Variants in CSMD1 observed in about 807,000 individuals in gnomAD.
CSMD1 encodes CUB and sushi domain-containing protein 1.
In CSMD1, 213 loss-of-function variants were observed where a neutral mutation model predicts 417.5. The ratio of observed to expected loss-of-function variants is 0.51; its 90% CI spans 0.46 to 0.57. The LOEUF (loss-of-function observed/expected upper bound fraction) is 0.57, where lower values mean the gene tolerates loss of function less well. Ranked by LOEUF, CSMD1 falls within the 20% of genes least tolerant of loss-of-function variation. The pLI is 0.00. For synonymous variants in CSMD1, 2,862 were observed against 1,736.8 expected, an observed-to-expected ratio of 1.65 and a Z score of -16.11; for missense variants, 6,923 against 4,529.7, an observed-to-expected ratio of 1.53 and a Z score of -15.17.
chr8:4,232,631 G>A (rs967022760), intron 3 of CSMD1, among the ~76,000 whole-genome samples: 8 of 152,090 alleles, frequency 5.3e-5, no homozygotes, highest in African/African-American at 1.7e-4. Flanking sequence ...ATTAGATGAA[G>A]GGTATTTCAT....
chr8:2,943,976 C>A (rs1362111230), intron 68 of CSMD1, among the ~76,000 whole-genome samples: 1 of 152,076 alleles, frequency 6.6e-6, no homozygotes, highest in Non-Finnish European at 1.5e-5. Flanking sequence ...GTATCAACAC[C>A]CTTTAATTTT....
At chr8:3,285,548 A>C (rs984557091) in intron 25 of CSMD1, among the ~76,000 whole-genome samples, 10 of 151,716 alleles carry the variant, frequency 6.6e-5, no homozygotes, top group African/African-American at 2.2e-4. Flanking sequence ...TGTCATGTTC[A>C]GTTATTATTA....
chr8:3,402,354 C>A (rs905257468), intron 15 of CSMD1, among the ~76,000 whole-genome samples: 4 of 151,942 alleles, frequency 2.6e-5, no homozygotes, highest in Admixed American at 2.6e-4. Context: ...AAAAAATCAC[C>A]CGTTTTCTAC....
At chr8:3,803,967 G>A (rs562023084) in intron 5 of CSMD1, among the ~76,000 whole-genome samples, 19 of 152,030 alleles carry the variant, frequency 1.2e-4, no homozygotes, top group Non-Finnish European at 1.6e-4. Flanking sequence ...TTGCTCTGTC[G>A]CCCAGGCTGG....
intron 5 of CSMD1, among the ~76,000 whole-genome samples, chr8:3,841,028 C>A (rs985338784): frequency 6.6e-6 from 1 of 152,008 alleles, no homozygotes; most frequent in Admixed American, 6.6e-5. Context: ...TTCTTTGGTA[C>A]ATGAGTCTTA....
intron 10 of CSMD1, among the ~76,000 whole-genome samples, chr8:3,557,519 A>T (rs1799209546): frequency 7.5e-6 from 1 of 132,538 alleles, no homozygotes; most frequent in Non-Finnish European, 1.8e-5. Context: ...ATTAAGAAAC[A>T]AACAAACACT....
chr8:4,051,916 C>CTTTT (rs1563058919), intron 3 of CSMD1, among the ~76,000 whole-genome samples: 1 of 146,630 alleles, frequency 6.8e-6, no homozygotes, highest in Non-Finnish European at 1.5e-5. Context: ...TCCTTCCTTT[C>CTTTT]TTTCTTTTTC....
At chr8:2,971,930 T>C (rs374089518) in intron 57 of CSMD1, among the ~76,000 whole-genome samples, 13 of 152,314 alleles carry the variant, frequency 8.5e-5, no homozygotes, top group East Asian at 7.7e-4. Context: ...TAAAAAATTA[T>C]CTTGGATTAT....
intron 3 of CSMD1, among the ~76,000 whole-genome samples, chr8:4,076,664 C>T (rs1799837067): frequency 6.6e-6 from 1 of 152,188 alleles, no homozygotes; most frequent in African/African-American, 2.4e-5. Context: ...AGGCCTTATG[C>T]ATCGTGCTCC....
At chr8:4,290,140 G>A (rs1002661645) in intron 3 of CSMD1, among the ~76,000 whole-genome samples, 5 of 152,160 alleles carry the variant, frequency 3.3e-5, no homozygotes, top group African/African-American at 1.2e-4. Flanking sequence ...GGCAGGGAGT[G>A]GTGAGGAAAT....
chr8:4,596,690 C>T (rs888785677), intron 2 of CSMD1, among the ~76,000 whole-genome samples: 1 of 152,200 alleles, frequency 6.6e-6, no homozygotes, highest in African/African-American at 2.4e-5. Context: ...GGTCTAACTT[C>T]AGTTCATTCA....
At chr8:4,260,043 A>C (rs1037017299) in intron 3 of CSMD1, among the ~76,000 whole-genome samples, 1 of 150,882 alleles carries the variant, frequency 6.6e-6, no homozygotes, top group Non-Finnish European at 1.5e-5. Flanking sequence ...TTTTTAACAC[A>C]TACTTGAAAG....
At chr8:3,578,422 A>C (rs1221943398) in intron 9 of CSMD1, among the ~76,000 whole-genome samples, 1 of 152,170 alleles carries the variant, frequency 6.6e-6, no homozygotes, top group Non-Finnish European at 1.5e-5. Flanking sequence ...AGGCAGGAAG[A>C]ATAATGGGTG....
intron 11 of CSMD1, among the ~76,000 whole-genome samples, chr8:3,474,429 G>A (rs1442382227): frequency 6.6e-6 from 1 of 152,016 alleles, no homozygotes; most frequent in Non-Finnish European, 1.5e-5. Context: ...TTTATCCCTT[G>A]ATGTAACCAA....
In CSMD1 at chr8:3,709,678, A is replaced by ATCTTTTTTTTTTTTTTTTTTTTTTTTT; in HGVS notation, c.932-1188_932-1187insAAAAAAAAAAAAAAAAAAAAAAAAAGA. Among the ~76,000 whole-genome samples the ATCTTTTTTTTTTTTTTTTTTTTTTTTT allele has an allele frequency of 1.2e-4, 3 of 24,320 alleles. No individual in the cohort carries two copies. In the South Asian group the frequency reaches 5.0e-3, roughly 40 times the overall value. 16.0% of individuals were successfully genotyped at this position (24,320 alleles called of 152,430 possible). On this transcript the variant is annotated intron_variant, in intron 6 of 69. Coordinates refer to ENST00000635120, the MANE Select transcript of CSMD1 (RefSeq NM_033225.6). Reference sequence around the variant, plus strand: ...CTGATGGGCTTTAAATTGCAGCAGCATGTTTTTTTTTTTTTTTTTTTTTTT... The same window carrying ATCTTTTTTTTTTTTTTTTTTTTTTTTT: ...CTGATGGGCTTTAAATTGCAGCAGCATCTTTTTTTTTTTTTTTTTTTTTTTTTTGTTTTTTTTTTTTTTTTTTTTTTT...
chr8:4,093,766 G>C (rs1395008581), intron 3 of CSMD1, among the ~76,000 whole-genome samples: 2 of 152,124 alleles, frequency 1.3e-5, no homozygotes, highest in African/African-American at 2.4e-5. Context: ...TTCAAGACCA[G>C]CTTGGCCAAC....
intron 5 of CSMD1, among the ~76,000 whole-genome samples, chr8:3,867,357 T>C (rs571338202): frequency 6.6e-6 from 1 of 152,304 alleles, no homozygotes; most frequent in East Asian, 1.9e-4. Context: ...ACTGGATGTC[T>C]CTTCTATTGA....
At chr8:4,039,851 G>C (rs1797797252) in intron 3 of CSMD1, among the ~76,000 whole-genome samples, 1 of 152,172 alleles carries the variant, frequency 6.6e-6, no homozygotes, top group South Asian at 2.1e-4. Context: ...TTCTGCTCCA[G>C]AAAGTGATTT....
chr8:2,973,294 T>G lies in CSMD1; in HGVS notation c.8746A>C (p.Asn2916His), dbSNP rs745380780. The change falls in exon 57 of 70, where the codon AAT becomes CAT. Residue 2916 changes from asparagine (N) to histidine (H), a missense_variant. Transcript: ENST00000635120. ...SGALPHCTGN[N>H]PGFCGDPGTP... ...CCCGGATCACCACAGAATCCAGGAT[T>G]ATTTCCTATTGAAAACAAACACATA... The G allele has an allele frequency of 1.9e-6, 3 of 1,613,566 alleles. No individual in the cohort carries two copies. The highest frequency in any genetic ancestry group is 1.7e-6 in the Non-Finnish European group (2 of 1,179,584).
Sources: gnomAD v4.1 joint callset for allele counts (sites outside exome capture counted in the v4.1 genomes callset) on GRCh38, gnomAD v4.1.1 for gene constraint, MANE v1.5 for transcripts, NCBI Gene and HGNC (gene_info 2026-07-23, HGNC 2026-07-21) for gene names.